The following SPICE1 variants were observed in gnomAD, a reference collection of about 807,000 sequenced individuals.
SPICE1 encodes spindle and centriole-associated protein 1.
Under a neutral mutation model 102.7 loss-of-function variants are expected in SPICE1, and 75 were observed. The observed-to-expected ratio is 0.73, with a 90% CI of 0.61 to 0.88. The LOEUF is 0.88. SPICE1 is among the 40% of genes least tolerant of loss of function. The pLI is 0.00. For missense variants in SPICE1, 979 were observed against 1,020.1 expected (o/e 0.96, Z 0.55); for synonymous variants, 308 against 350.3 (o/e 0.88, Z 1.35).
At position 113,468,338 on chromosome 3, in the gene SPICE1, G is replaced by A. The variant is rs1306035256; in HGVS notation, c.956C>T (p.Thr319Ile). Reference sequence around the variant, plus strand: ...AGTCCTATTTGGTAAGTCTGCAGAGGTTGTGCTACCTGATGATATGTTTTT... The same window carrying A: ...AGTCCTATTTGGTAAGTCTGCAGAGATTGTGCTACCTGATGATATGTTTTT... The part of the protein sequence containing the change: ...PKKNISSGST[T>I]SADLPNRTNS... Residue 319 changes from threonine to isoleucine, a missense_variant, in exon 10 of 18, where the codon ACC becomes ATC. Thr to Ile is a moderately conservative substitution (Grantham distance 89). Transcript: ENST00000295872. 2 of 1,614,054 alleles carry A rather than the reference G, an allele frequency of 1.2e-6. No individual in the cohort carries two copies. Among genetic ancestry groups the A allele is most frequent in the Admixed American group, 1.7e-5 (1 of 60,006 alleles).
At chr3:113,460,102 C>A (rs1935891091) in intron 12 of SPICE1, 1 of 985,232 alleles carries the variant, frequency 1.0e-6, no homozygotes, top group Admixed American at 6.1e-5. Context: ...CCAATTCAGC[C>A]TATAGCATAT....
chr3:113,470,243 T>C (rs562055385), intron 7 of SPICE1, among the ~76,000 whole-genome samples: 2 of 152,198 alleles, frequency 1.3e-5, no homozygotes, highest in Non-Finnish European at 2.9e-5. Context: ...CTTGATGTTT[T>C]GAGAAGTTTT....
At chr3:113,450,640 T>C (rs148228989) in intron 14 of SPICE1, 124 bp from the exon 15 acceptor site, 21,929 of 945,574 alleles carry the variant, frequency 0.023, 357 homozygotes, top group East Asian at 0.062. Context: ...GCAGTGGCGC[T>C]ATCTCGGCTC....
In SPICE1 at chr3:113,493,319, A is replaced by G; in HGVS notation, c.386-7T>C. The G allele has an allele frequency of 6.2e-7, 1 of 1,607,170 alleles. No homozygotes were observed. Among genetic ancestry groups the G allele is most frequent in the Non-Finnish European group, 8.5e-7 (1 of 1,173,804 alleles). On this transcript the variant is annotated splice_polypyrimidine_tract_variant and splice_region_variant and intron_variant, in intron 5 of 17. Transcript: ENST00000295872. ...ACTGTTACATTTGGAAACCCTGCAA[A>G]AGGAAAAGAAGTTGTGATGATTTGT...
rs765834102 is a variant in SPICE1 at position 113,453,522 on chromosome 3, G to T, written c.2086C>A (p.Gln696Lys). 9 of 1,613,856 alleles carry T rather than the reference G, an allele frequency of 5.6e-6. No homozygotes were observed. The highest frequency in any genetic ancestry group is 7.6e-6 in the Non-Finnish European group (9 of 1,179,920). The change falls in exon 14 of 18, where the codon CAA (glutamine) becomes AAA (lysine). Residue 696 changes from glutamine to lysine, a missense_variant. Transcript: ENST00000295872. ...TTCAACTCCCGGAGTCCATCCCCTT[G>T]CTCTCCTCTGGGCTCAATAATATTA... Reference protein sequence around the residue: ...MNNIIEPRGEQGDGLRELNKQ... With the variant: ...MNNIIEPRGEKGDGLRELNKQ...
At chr3:113,453,227 G>A (rs950640751) in intron 14 of SPICE1, among the ~76,000 whole-genome samples, 5 of 152,006 alleles carry the variant, frequency 3.3e-5, no homozygotes, top group Admixed American at 6.6e-5. Flanking sequence ...GCTTTCCTAC[G>A]CATTTTATCT....
intron 10 of SPICE1, 113 bp from the exon 11 acceptor site, chr3:113,465,897 CAG>C: frequency 1.1e-6 from 1 of 951,200 alleles, no homozygotes; most frequent in South Asian, 2.0e-5. Flanking sequence ...TATTATGTGA[CAG>C]TAATGATGAA....
chr3:113,472,674 A>T (rs532692927), intron 7 of SPICE1, among the ~76,000 whole-genome samples: 2 of 152,232 alleles, frequency 1.3e-5, no homozygotes, highest in African/African-American at 4.8e-5. Context: ...CCAGGCAAAC[A>T]GGGTCTGGAG....
At chr3:113,506,409 G>T in intron 2 of SPICE1, 98 bp downstream of exon 2, 1 of 938,452 alleles carries the variant, frequency 1.1e-6, no homozygotes, top group Non-Finnish European at 1.7e-6. Flanking sequence ...TACGTGATGA[G>T]CCCCATTCAG....
chr3:113,483,846 G>A (rs1018542891), intron 7 of SPICE1, among the ~76,000 whole-genome samples: 2 of 151,982 alleles, frequency 1.3e-5, no homozygotes, highest in East Asian at 1.9e-4. Context: ...TTCTTTTTTT[G>A]TTGTGTCTCT....
At chr3:113,469,892 C>T (rs985152897) in intron 7 of SPICE1, among the ~76,000 whole-genome samples, 7 of 152,220 alleles carry the variant, frequency 4.6e-5, no homozygotes, top group Non-Finnish European at 8.8e-5. Flanking sequence ...TTTCTCTGTC[C>T]TACAAAGGAG....
intron 3 of SPICE1, among the ~76,000 whole-genome samples, chr3:113,500,956 G>A (rs1333614732): frequency 2.0e-5 from 3 of 152,140 alleles, no homozygotes; most frequent in Admixed American, 6.5e-5. Flanking sequence ...AAGTTAGGTA[G>A]TAATAGTTCA....
At chr3:113,485,438 A>ACAC (rs1936623560) in intron 7 of SPICE1, among the ~76,000 whole-genome samples, 1 of 152,128 alleles carries the variant, frequency 6.6e-6, no homozygotes, top group African/African-American at 2.4e-5. Flanking sequence ...AGGTGGTTTT[A>ACAC]CACTCACAGT....
chr3:113,469,637 C>A (rs1936150647), intron 7 of SPICE1, among the ~76,000 whole-genome samples: 1 of 151,156 alleles, frequency 6.6e-6, no homozygotes, highest in African/African-American at 2.4e-5. Flanking sequence ...TTTGAAGGAG[C>A]TTTTAGTAAT....
intron 6 of SPICE1, among the ~76,000 whole-genome samples, chr3:113,491,817 A>T (rs1403639941): frequency 6.6e-6 from 1 of 152,132 alleles, no homozygotes; most frequent in Non-Finnish European, 1.5e-5. Context: ...TTGAGAAAGT[A>T]CTTAAACCAG....
chr3:113,464,757 A>G (rs1461927111), intron 11 of SPICE1, among the ~76,000 whole-genome samples: 1 of 152,224 alleles, frequency 6.6e-6, no homozygotes, highest in East Asian at 1.9e-4. Flanking sequence ...AAGTACACAT[A>G]TAAGTATAAA....
Position 113,514,941 on chromosome 3 carries a change from A to T in SPICE1, c.-45T>A. The T allele has an allele frequency of 9.6e-7, 1 of 1,046,544 alleles. No homozygotes were observed. Among genetic ancestry groups the T allele is most frequent in the Non-Finnish European group, 1.2e-6 (1 of 819,072 alleles). The allele number at this position is 1,046,544 out of a possible 1,614,324, so 64.8% of individuals were successfully genotyped here. On this transcript the variant is annotated 5_prime_UTR_variant, in exon 1 of 18. Coordinates refer to ENST00000295872, the MANE Select transcript of SPICE1 (RefSeq NM_144718.4). ...AGCCGCGGCTGCGCTTCCTGAAGTA[A>T]GGATTCCCCAACCGGGCGCCTGGAT...
intron 7 of SPICE1, among the ~76,000 whole-genome samples, chr3:113,474,943 C>T (rs568298785): frequency 2.4e-4 from 36 of 151,844 alleles, no homozygotes; most frequent in Admixed American, 4.6e-4. Flanking sequence ...AGAGCAGAAC[C>T]GAAGGAAACA....
intron 14 of SPICE1, among the ~76,000 whole-genome samples, chr3:113,451,092 G>A (rs901198561): frequency 9.9e-5 from 15 of 152,118 alleles, no homozygotes; most frequent in Non-Finnish European, 1.9e-4. Flanking sequence ...TTACAAAAGA[G>A]GATCTGCTAT....
Sources: allele counts gnomAD v4.1 joint callset (sites outside exome capture counted in the v4.1 genomes callset), GRCh38; gene constraint gnomAD v4.1.1; transcripts MANE v1.5; gene names NCBI Gene and HGNC (gene_info 2026-07-23, HGNC 2026-07-21).